Variants in DCTN4 observed in about 807,000 individuals in gnomAD.
DCTN4 encodes dynactin 4 (p62).
In DCTN4, 23 loss-of-function variants were observed where a neutral mutation model predicts 62.7. That is an observed-to-expected ratio of 0.37 (90% CI 0.26 to 0.52). The LOEUF is 0.52. Ranked by LOEUF, DCTN4 falls within the 20% of genes least tolerant of loss-of-function variation. The pLI is 0.92. For synonymous variants in DCTN4, 199 were observed against 202.1 expected, an observed-to-expected ratio of 0.98 and a Z score of 0.13; for missense variants, 514 against 580.4, an observed-to-expected ratio of 0.89 and a Z score of 1.18.
At chr5:150,717,807 G>C (rs932575488) in intron 11 of DCTN4, among the ~76,000 whole-genome samples, 3 of 152,178 alleles carry the variant, frequency 2.0e-5, no homozygotes, top group African/African-American at 7.2e-5. Flanking sequence ...GATCTGTCTG[G>C]ATCACAACCA....
Position 150,758,937 on chromosome 5 carries a change from C to T in DCTN4, c.57G>A (p.Lys19=). ...RVLYLVQGEK[K]VRAPLSQLYF... is the part of the protein sequence containing the mutation. The stretch of plus-strand genomic sequence containing the variant: ...AGAGTTGCGAGAGCGGGGCCCGAAC[C>T]TTCTTTTCTCCCTGGACTAGATAGA... The change falls in exon 1 of 13, where the codon AAG becomes AAA. Residue 19 remains lysine, a synonymous_variant. Coordinates refer to ENST00000447998, the MANE Select transcript of DCTN4 (RefSeq NM_016221.4). The T allele has an allele frequency of 1.2e-6, 2 of 1,614,180 alleles. No homozygotes were observed. The highest frequency in any genetic ancestry group is 1.7e-6 in the Non-Finnish European group (2 of 1,180,038).
intron 3 of DCTN4, among the ~76,000 whole-genome samples, chr5:150,750,746 G>A (rs1339891161): frequency 7.2e-5 from 11 of 152,136 alleles, no homozygotes; most frequent in Admixed American, 7.2e-4. Context: ...ATAAAGACAT[G>A]TATGGATGCT....
At chr5:150,724,160 C>A (rs1352983713) in intron 8 of DCTN4, among the ~76,000 whole-genome samples, 1 of 152,050 alleles carries the variant, frequency 6.6e-6, no homozygotes, top group Non-Finnish European at 1.5e-5. Flanking sequence ...TATTCCACTG[C>A]AGTTAATTTT....
chr5:150,741,894 C>T (rs561497737), intron 4 of DCTN4, among the ~76,000 whole-genome samples: 1 of 152,274 alleles, frequency 6.6e-6, no homozygotes, highest in African/African-American at 2.4e-5. Flanking sequence ...AATTCAAATA[C>T]AGAACTAAAG....
chr5:150,751,060 G>A (rs1420993309), intron 3 of DCTN4, among the ~76,000 whole-genome samples: 1 of 152,112 alleles, frequency 6.6e-6, no homozygotes, highest in African/African-American at 2.4e-5. Context: ...AAATGTTTCA[G>A]CTGTAATATT....
At chr5:150,739,946 TAA>T (rs1760711667) in intron 4 of DCTN4, among the ~76,000 whole-genome samples, 1 of 152,150 alleles carries the variant, frequency 6.6e-6, no homozygotes, top group Admixed American at 6.5e-5. Context: ...ATCAAAGACT[TAA>T]ATCTAAGACC....
chr5:150,719,624 C>T (rs1759889077), intron 10 of DCTN4, 92 bp downstream of exon 10: 1 of 898,192 alleles, frequency 1.1e-6, no homozygotes, highest in South Asian at 1.5e-5. Flanking sequence ...TCACTGGATC[C>T]TGTGCCAAAT....
intron 11 of DCTN4, among the ~76,000 whole-genome samples, chr5:150,716,775 C>T (rs987000720): frequency 1.3e-5 from 2 of 151,910 alleles, no homozygotes; most frequent in Admixed American, 6.6e-5. Context: ...AAAAATTAGC[C>T]GGGCGTGGTG....
chr5:150,750,384 G>C (rs1184545217), intron 3 of DCTN4, among the ~76,000 whole-genome samples: 1 of 152,146 alleles, frequency 6.6e-6, no homozygotes, highest in Non-Finnish European at 1.5e-5. Context: ...ATTACTACTA[G>C]GAGCAAAGAC....
At chr5:150,741,698 T>G (rs958706078) in intron 4 of DCTN4, among the ~76,000 whole-genome samples, 3 of 149,178 alleles carry the variant, frequency 2.0e-5, no homozygotes, top group Non-Finnish European at 4.5e-5. Flanking sequence ...CCCAGGCTGG[T>G]CTTGAACTTC....
intron 4 of DCTN4, 32 bp from the exon 5 acceptor site, chr5:150,733,507 A>G (rs1188119854): frequency 6.6e-7 from 1 of 1,522,184 alleles, no homozygotes; most frequent in Non-Finnish European, 9.1e-7. Flanking sequence ...AGTACACAAA[A>G]AAGCTAACAG....
chr5:150,754,421 GA>G (rs1166782414), intron 2 of DCTN4, among the ~76,000 whole-genome samples: 1 of 152,156 alleles, frequency 6.6e-6, no homozygotes, highest in Non-Finnish European at 1.5e-5. Context: ...TTAATTTGTG[GA>G]AAGTATACAA....
chr5:150,756,037 GTCTT>G (rs1285850989), intron 2 of DCTN4, among the ~76,000 whole-genome samples: 2 of 143,014 alleles, frequency 1.4e-5, no homozygotes, highest in Admixed American at 6.9e-5. Flanking sequence ...AATTTCATGT[GTCTT>G]TTTTTTTTTT....
intron 8 of DCTN4, among the ~76,000 whole-genome samples, chr5:150,729,981 T>C (rs1209919078): frequency 2.0e-5 from 3 of 152,194 alleles, no homozygotes; most frequent in South Asian, 2.1e-4. Context: ...TCTTCTAATC[T>C]AGAGAATGAT....
intron 11 of DCTN4, among the ~76,000 whole-genome samples, chr5:150,716,868 G>A (rs1254760735): frequency 2.0e-5 from 3 of 151,548 alleles, no homozygotes; most frequent in Admixed American, 6.6e-5. Flanking sequence ...GCAGTGAGCC[G>A]AGACTGCGCC....
chr5:150,717,916 T>C (rs1006078684), intron 11 of DCTN4, among the ~76,000 whole-genome samples: 5 of 152,210 alleles, frequency 3.3e-5, no homozygotes, highest in African/African-American at 1.2e-4. Flanking sequence ...TCTTATGCTA[T>C]GCCAAAAATC....
intron 8 of DCTN4, among the ~76,000 whole-genome samples, chr5:150,725,230 G>A (rs74294165): frequency 0.074 from 11,126 of 151,002 alleles, 539 homozygotes; most frequent in East Asian, 0.24. Flanking sequence ...CTCATTCTGC[G>A]GATATACTAT....
rs200321622 is a variant in DCTN4 at position 150,719,739 on chromosome 5, T to A, written c.940A>T (p.Ile314Phe). Residue 314 changes from isoleucine (I) to phenylalanine (F), a missense_variant, in exon 10 of 13, where the codon ATT becomes TTT. Ile to Phe is a conservative substitution (Grantham distance 21, BLOSUM62 0). Coordinates refer to ENST00000447998, the MANE Select transcript of DCTN4 (RefSeq NM_016221.4). ...ACCTTCATGTAGCGAAGGTTGGGAA[T>A]TGACATGATTCTCACTTCTGGAATA... ...NYIPEVRIMS[I>F]PNLRYMKESQ... 6 of 1,611,400 alleles carry A rather than the reference T, an allele frequency of 3.7e-6. No homozygotes were observed. The East Asian group carries it at 1.3e-4, about 36-fold the overall frequency.
Position 150,741,311 on chromosome 5 carries a change from G to A in DCTN4, c.429+803C>T, listed in dbSNP as rs1302971237. Among the ~76,000 whole-genome samples the A allele has an allele frequency of 1.3e-5, 2 of 151,996 alleles. 1 individual carries two copies. Reference sequence around the variant, plus strand: ...CTGGTTTAGATATCTTTCTTACTCAGAGAAACAAATATATTATATTTTGCA... The same window carrying A: ...CTGGTTTAGATATCTTTCTTACTCAAAGAAACAAATATATTATATTTTGCA... On this transcript the variant is annotated intron_variant, in intron 4 of 12. Coordinates refer to ENST00000447998, the MANE Select transcript of DCTN4 (RefSeq NM_016221.4).
Sources: allele counts gnomAD v4.1 joint callset (sites outside exome capture counted in the v4.1 genomes callset), GRCh38; gene constraint gnomAD v4.1.1; transcripts MANE v1.5; gene names NCBI Gene and HGNC (gene_info 2026-07-23, HGNC 2026-07-21).